PATJ: variants seen among roughly 807,000 people sequenced by gnomAD.
PATJ encodes inaD-like protein.
Under a neutral mutation model 224.9 loss-of-function variants are expected in PATJ, and 190 were observed. The observed-to-expected ratio is 0.84, with a 90% CI of 0.75 to 0.95. The LOEUF (loss-of-function observed/expected upper bound fraction) is 0.95. PATJ is among the 40% of genes least tolerant of loss of function. PATJ has a pLI of 0.00. For missense variants in PATJ, 2,121 were observed against 2,270.3 expected, an observed-to-expected ratio of 0.93 and a Z score of 1.34; for synonymous variants, 769 against 820.3, an observed-to-expected ratio of 0.94 and a Z score of 1.07.
chr1:62,011,436 G>T (rs1646443520), intron 28 of PATJ, among the ~76,000 whole-genome samples: 1 of 152,196 alleles, frequency 6.6e-6, no homozygotes, highest in Admixed American at 6.5e-5. Context: ...AAGAGATGGG[G>T]AGCAGCTGGT....
At chr1:62,032,292 G>T (rs1055960570) in intron 29 of PATJ, among the ~76,000 whole-genome samples, 4 of 149,696 alleles carry the variant, frequency 2.7e-5, no homozygotes, top group Non-Finnish European at 4.5e-5. Flanking sequence ...AGCAAACAAT[G>T]GTGCTTCCAA....
chr1:61,899,577 C>A lies in PATJ; in HGVS notation c.3132-6C>A. On this transcript the variant is annotated splice_region_variant and splice_polypyrimidine_tract_variant and intron_variant, in intron 22 of 43. Transcript: ENST00000642238. ...TGTGTGTATTTTTTTCTTTCTCCCT[C>A]TGTAGTGAGTTACCTGAGAGAGAAG... 1.3e-6 allele frequency: 2 copies of A among 1,599,662 alleles called. No individual in the cohort carries two copies. The highest frequency in any genetic ancestry group is 1.1e-5 in the South Asian group (1 of 89,358).
At chr1:62,125,841 C>T (rs1390706105) in intron 39 of PATJ, among the ~76,000 whole-genome samples, 1 of 152,138 alleles carries the variant, frequency 6.6e-6, no homozygotes, top group Non-Finnish European at 1.5e-5. Context: ...GCAATCTCGG[C>T]TCACTGAAAC....
chr1:62,096,907 G>A (rs1046613354), intron 33 of PATJ, among the ~76,000 whole-genome samples: 20 of 152,110 alleles, frequency 1.3e-4, no homozygotes, highest in Non-Finnish European at 2.8e-4. Context: ...GTGAGCCACT[G>A]CGCCCGGCCC....
In PATJ at chr1:61,760,412, T is replaced by TA. The variant is rs1330936830; in HGVS notation, c.-35-2446_-35-2445insA. On this transcript the variant is annotated intron_variant, in intron 1 of 43. Coordinates refer to ENST00000642238, the MANE Select transcript of PATJ (RefSeq NM_001350145.3). ...TGATTGTATAATACTTGTATTTCTT[T>TA]GATGGTTCATTACAAGTGTGTATCA... 3.9e-5 allele frequency among the ~76,000 whole-genome samples: 6 copies of TA among 152,314 alleles called. No individual in the cohort carries two copies. The South Asian group carries it at 1.2e-3, about 32-fold the overall frequency.
intron 37 of PATJ, among the ~76,000 whole-genome samples, chr1:62,117,718 A>G (rs1426902781): frequency 3.3e-5 from 5 of 152,244 alleles, no homozygotes; most frequent in Non-Finnish European, 7.4e-5. Flanking sequence ...GTGGGTTAGC[A>G]AACATCTTAT....
intron 30 of PATJ, among the ~76,000 whole-genome samples, chr1:62,040,113 C>CTT: frequency 7.0e-6 from 1 of 142,172 alleles, no homozygotes; most frequent in African/African-American, 2.6e-5. Flanking sequence ...CTCTTTCTTC[C>CTT]TTTTTTTTTT....
intron 14 of PATJ, among the ~76,000 whole-genome samples, chr1:61,811,931 G>A (rs924650373): frequency 2.6e-4 from 39 of 151,486 alleles, no homozygotes; most frequent in African/African-American, 8.5e-4. Flanking sequence ...CGTGGTGGCG[G>A]GCGCCTGTAG....
At chr1:61,763,740 G>T (rs1453815909) in intron 3 of PATJ, among the ~76,000 whole-genome samples, 1 of 152,058 alleles carries the variant, frequency 6.6e-6, no homozygotes, top group Non-Finnish European at 1.5e-5. Flanking sequence ...GCTCACTGCA[G>T]CCTTGACCTC....
In PATJ at chr1:61,774,655, A is replaced by G. The variant is rs189620790; in HGVS notation, c.721-551A>G. On this transcript the variant is annotated intron_variant, in intron 6 of 43. Coordinates refer to ENST00000642238, the MANE Select transcript of PATJ (RefSeq NM_001350145.3). ...ACCCAGTTAAATCCAACCTTTGACC[A>G]TATCTTTCATCCATTGTGTTATCTG... 2.1e-3 allele frequency among the ~76,000 whole-genome samples: 316 copies of G among 152,286 alleles called. 3 individuals are homozygous for G. The highest frequency in any genetic ancestry group is 6.6e-3 in the African/African-American group (274 of 41,572).
chr1:62,026,106 G>A (rs951726591), intron 29 of PATJ, among the ~76,000 whole-genome samples: 5 of 152,146 alleles, frequency 3.3e-5, no homozygotes, highest in Non-Finnish European at 7.3e-5. Flanking sequence ...TTATTCCACT[G>A]TCAATGGACT....
Position 61,763,003 on chromosome 1 carries a change from T to C in PATJ, c.23-10T>C, listed in dbSNP as rs1445279537. The C allele has an allele frequency of 1.2e-6, 2 of 1,604,372 alleles. No homozygotes were observed. Among genetic ancestry groups the C allele is most frequent in the Non-Finnish European group, 8.5e-7 (1 of 1,175,058 alleles). On this transcript the variant is annotated splice_polypyrimidine_tract_variant and intron_variant, in intron 2 of 43. Coordinates refer to ENST00000642238, the MANE Select transcript of PATJ (RefSeq NM_001350145.3). ...TTAACTATTACTCTACTTATTCATCTTGACCCAAGATAAACTGCAGGTGCT... is the reference window on the plus strand; with the variant it reads ...TTAACTATTACTCTACTTATTCATCCTGACCCAAGATAAACTGCAGGTGCT...
chr1:61,945,253 A>C (rs1678492052), intron 27 of PATJ, among the ~76,000 whole-genome samples: 1 of 152,222 alleles, frequency 6.6e-6, no homozygotes, highest in Admixed American at 6.5e-5. Flanking sequence ...AAATGGGCTA[A>C]ATGCTCCAAT....
At chr1:62,069,506 C>T (rs909048951) in intron 31 of PATJ, among the ~76,000 whole-genome samples, 5 of 152,168 alleles carry the variant, frequency 3.3e-5, no homozygotes, top group South Asian at 4.1e-4. Flanking sequence ...ATCATCATCA[C>T]GTACCAGCTC....
At chr1:61,789,031 A>G (rs998240944) in intron 8 of PATJ, among the ~76,000 whole-genome samples, 7 of 152,196 alleles carry the variant, frequency 4.6e-5, no homozygotes, top group African/African-American at 1.7e-4. Flanking sequence ...GAAATGGGCC[A>G]GATGCGGTGG....
At chr1:62,059,802 G>A (rs1278083988) in intron 31 of PATJ, among the ~76,000 whole-genome samples, 1 of 152,152 alleles carries the variant, frequency 6.6e-6, no homozygotes, top group African/African-American at 2.4e-5. Context: ...TGGCCATTAG[G>A]ACAGAGAAAT....
At chr1:61,826,528 C>T (rs1201845216) in intron 15 of PATJ, among the ~76,000 whole-genome samples, 1 of 152,148 alleles carries the variant, frequency 6.6e-6, no homozygotes, top group African/African-American at 2.4e-5. Flanking sequence ...CAGATCAGCT[C>T]TTAGAGACCT....
At chr1:62,062,400 T>C (rs1435422652) in intron 31 of PATJ, among the ~76,000 whole-genome samples, 39 of 139,526 alleles carry the variant, frequency 2.8e-4, no homozygotes, top group African/African-American at 1.0e-3. Context: ...TTCTTTTTTT[T>C]TTTTTTTTTT....
intron 17 of PATJ, among the ~76,000 whole-genome samples, chr1:61,852,119 TAAA>T (rs3030913): frequency 4.2e-4 from 46 of 108,904 alleles, no homozygotes; most frequent in African/African-American, 1.3e-3. Flanking sequence ...GATTCTGTCT[TAAA>T]AAAAAAAAAA....
Sources: gnomAD v4.1 joint callset for allele counts (sites outside exome capture counted in the v4.1 genomes callset) on GRCh38, gnomAD v4.1.1 for gene constraint, MANE v1.5 for transcripts, NCBI Gene and HGNC (gene_info 2026-07-23, HGNC 2026-07-21) for gene names.